The following PAIP2B variants were observed in gnomAD, a reference collection of about 807,000 sequenced individuals.
The protein encoded by PAIP2B is poly(A) binding protein interacting protein 2B, also known as polyadenylate-binding protein-interacting protein 2B.
PAIP2B carries 13 observed loss-of-function variants against 17.0 expected under a neutral mutation model. The observed-to-expected ratio is 0.76, with a 90% CI of 0.50 to 1.22. The LOEUF is 1.22. PAIP2B is among the 50% of genes most tolerant of loss of function. PAIP2B has a pLI of 0.00. For missense variants in PAIP2B, 117 were observed against 144.5 expected (o/e 0.81, Z 0.98); for synonymous variants, 43 against 48.7 (o/e 0.88, Z 0.48).
Position 71,184,954 on chromosome 2 carries a change from C to A in PAIP2B, c.*3525G>T, listed in dbSNP as rs1674497605. 6.6e-6 allele frequency: 1 copy of A among 152,082 alleles called. No individual in the cohort carries two copies. Among genetic ancestry groups the A allele is most frequent in the African/African-American group, 2.4e-5 (1 of 41,400 alleles). The allele number at this position is 152,082 out of a possible 1,614,324, so 9.4% of individuals were successfully genotyped here. Reference sequence around the variant, plus strand: ...GATTATTAGCCCGTGATGGTGGGACCCTTATTGACGAAGGCCTGCCCCCTC... The same window carrying A: ...GATTATTAGCCCGTGATGGTGGGACACTTATTGACGAAGGCCTGCCCCCTC... On this transcript the variant is annotated 3_prime_UTR_variant, in exon 4 of 4. Coordinates refer to ENST00000244221, the MANE Select transcript of PAIP2B (RefSeq NM_020459.1).
intron 1 of PAIP2B, among the ~76,000 whole-genome samples, chr2:71,217,929 G>A (rs909227304): frequency 2.6e-5 from 4 of 152,054 alleles, no homozygotes; most frequent in Non-Finnish European, 4.4e-5. Flanking sequence ...TCTGCTGGGC[G>A]TGGTGGTATA....
At position 71,188,152 on chromosome 2, in the gene PAIP2B, TAGTC is replaced by T; in HGVS notation, c.*323_*326del. On this transcript the variant is annotated 3_prime_UTR_variant, in exon 4 of 4. Transcript: ENST00000244221. ...CATTTCCTAAATATCCAGTTTTTCTTAGTCAGCTTATTTTGTTTAAATACACACC... is the reference window on the plus strand; with the variant it reads ...CATTTCCTAAATATCCAGTTTTTCTTAGCTTATTTTGTTTAAATACACACC... 3.7e-6 allele frequency: 1 copy of T among 270,222 alleles called. No homozygotes were observed. The highest frequency in any genetic ancestry group is 7.0e-6 in the Non-Finnish European group (1 of 142,942). The allele number at this position is 270,222 out of a possible 1,614,324, so 16.7% of individuals were successfully genotyped here. A position where few individuals can be genotyped will look rare whatever the true frequency, so the allele number is the denominator to read the frequency against.
intron 2 of PAIP2B, among the ~76,000 whole-genome samples, chr2:71,192,682 T>C (rs1254072331): frequency 6.6e-6 from 1 of 151,804 alleles, no homozygotes; most frequent in Non-Finnish European, 1.5e-5. Context: ...AGTGAGAACA[T>C]GTAGTGTTTG....
At chr2:71,218,630 T>A (rs1675493599) in intron 1 of PAIP2B, among the ~76,000 whole-genome samples, 1 of 152,084 alleles carries the variant, frequency 6.6e-6, no homozygotes. Context: ...CCTCCAGAAA[T>A]TCTACTTCTA....
intron 2 of PAIP2B, among the ~76,000 whole-genome samples, chr2:71,200,682 G>A (rs1300553957): frequency 6.6e-6 from 1 of 152,186 alleles, no homozygotes; most frequent in Admixed American, 6.5e-5. Flanking sequence ...AGCCTGGACT[G>A]TGGAGGTTGC....
chr2:71,189,358 T>G (rs1250569285), intron 3 of PAIP2B, among the ~76,000 whole-genome samples: 1 of 152,226 alleles, frequency 6.6e-6, no homozygotes. Context: ...GGCAGGAAAT[T>G]AATTTATCTG....
At chr2:71,200,607 C>T (rs1303274063) in intron 2 of PAIP2B, among the ~76,000 whole-genome samples, 1 of 152,024 alleles carries the variant, frequency 6.6e-6, no homozygotes. Context: ...CAAAAATTTG[C>T]CAGGGATGGT....
intron 2 of PAIP2B, among the ~76,000 whole-genome samples, chr2:71,196,976 C>T (rs1380217954): frequency 2.0e-5 from 3 of 152,222 alleles, no homozygotes; most frequent in East Asian, 3.9e-4. Context: ...CAGCTTGCCA[C>T]TCTGTGCCTT....
intron 1 of PAIP2B, among the ~76,000 whole-genome samples, chr2:71,216,000 A>G (rs1210092451): frequency 6.6e-6 from 1 of 152,224 alleles, no homozygotes; most frequent in East Asian, 1.9e-4. Flanking sequence ...TACAAATCCT[A>G]TAAAAATGGA....
At chr2:71,193,124 C>T (rs357772) in intron 2 of PAIP2B, among the ~76,000 whole-genome samples, 1 of 151,796 alleles carries the variant, frequency 6.6e-6, no homozygotes, top group African/African-American at 2.4e-5. Flanking sequence ...ACTTTTTAGT[C>T]ATAGCCATTC....
intron 1 of PAIP2B, among the ~76,000 whole-genome samples, chr2:71,203,621 T>G (rs1251113213): frequency 6.6e-6 from 1 of 151,988 alleles, no homozygotes; most frequent in South Asian, 2.1e-4. Context: ...TTTATATTTC[T>G]TATTCTGTAA....
chr2:71,195,144 G>A (rs1558773483), intron 2 of PAIP2B, among the ~76,000 whole-genome samples: 2 of 152,008 alleles, frequency 1.3e-5, no homozygotes. Context: ...ATTTTGTTGA[G>A]GATTCAATGT....
intron 1 of PAIP2B, among the ~76,000 whole-genome samples, chr2:71,221,339 T>C (rs1366281327): frequency 6.6e-6 from 1 of 152,266 alleles, no homozygotes; most frequent in Non-Finnish European, 1.5e-5. Context: ...TGGAATGATG[T>C]CTGAAGGTTT....
At chr2:71,200,413 C>T (rs552977743) in intron 2 of PAIP2B, among the ~76,000 whole-genome samples, 29 of 152,126 alleles carry the variant, frequency 1.9e-4, no homozygotes, top group Non-Finnish European at 7.3e-5. Flanking sequence ...AAGGCTTCTC[C>T]GAAATACTTA....
intron 1 of PAIP2B, among the ~76,000 whole-genome samples, chr2:71,203,411 G>A (rs866296048): frequency 6.6e-6 from 1 of 151,552 alleles, no homozygotes; most frequent in African/African-American, 2.4e-5. Context: ...TGGAGAGTAT[G>A]TTCTCTTTTC....
chr2:71,209,862 CG>C (rs1210365965), intron 1 of PAIP2B, among the ~76,000 whole-genome samples: 23 of 151,418 alleles, frequency 1.5e-4, no homozygotes, highest in African/African-American at 5.6e-4. Flanking sequence ...CTCACTCTGT[CG>C]CCCCAGGCTG....
chr2:71,191,719 G>C (rs1674692177), intron 2 of PAIP2B, among the ~76,000 whole-genome samples: 1 of 152,112 alleles, frequency 6.6e-6, no homozygotes, highest in Non-Finnish European at 1.5e-5. Flanking sequence ...ATGGCCTTTG[G>C]TGCTCTCCCT....
intron 1 of PAIP2B, among the ~76,000 whole-genome samples, chr2:71,223,366 G>A (rs1199192526): frequency 2.0e-5 from 3 of 151,856 alleles, no homozygotes; most frequent in East Asian, 3.9e-4. Flanking sequence ...AGCTGAAATC[G>A]TGCCATTGCA....
chr2:71,218,981 T>A (rs190994660), intron 1 of PAIP2B, among the ~76,000 whole-genome samples: 97 of 151,022 alleles, frequency 6.4e-4, no homozygotes, highest in South Asian at 1.3e-3. Flanking sequence ...AATGGCGCGA[T>A]CTTGGCTCAC....
Sources: allele counts gnomAD v4.1 joint callset (sites outside exome capture counted in the v4.1 genomes callset), GRCh38; gene constraint gnomAD v4.1.1; transcripts MANE v1.5; gene names NCBI Gene and HGNC (gene_info 2026-07-23, HGNC 2026-07-21).